The following NPFFR1 variants were observed in gnomAD, a reference collection of about 807,000 sequenced individuals.
NPFFR1 encodes neuropeptide FF receptor 1, also known as G-protein coupled receptor 147.
Under a neutral mutation model 12.7 loss-of-function variants are expected in NPFFR1, and 17 were observed. The ratio of observed to expected loss-of-function variants is 1.34; its 90% confidence interval spans 0.92 to 2.01. NPFFR1 has a LOEUF of 2.01. Among genes scored for constraint, NPFFR1 ranks in the 30% most tolerant of loss-of-function variants. NPFFR1 has a pLI of 0.00. For missense variants in NPFFR1, 604 were observed against 606.5 expected, an observed-to-expected ratio of 1.00 and a Z score of 0.04; for synonymous variants, 296 against 264.5, an observed-to-expected ratio of 1.12 and a Z score of -1.16.
Position 70,255,592 on chromosome 10 carries a change from GCA to G in NPFFR1, c.656_657del (p.Val219AlafsTer167). ...GGCGCCAGGTAGATGTGCGAGAAGAGCACAGTGGTGTAGACCCTGCGCATGCC... is the reference window on the plus strand; with the variant it reads ...GGCGCCAGGTAGATGTGCGAGAAGAGCAGTGGTGTAGACCCTGCGCATGCC... ...EKGMRRVYTT[V>X]LFSHIYLAPL... On this transcript the variant is annotated frameshift_variant, in exon 4 of 4. Transcript: ENST00000277942. LOFTEE classifies it low-confidence loss of function (END_TRUNC). This position sits in a 1 kb window ranked among gnomAD's most constrained non-coding sequence, Gnocchi z 4.2. 1 of 1,555,168 alleles carries G rather than the reference GCA, an allele frequency of 6.4e-7. No individual in the cohort carries two copies. Among genetic ancestry groups the G allele is most frequent in the Non-Finnish European group, 8.7e-7 (1 of 1,149,554 alleles).
chr10:70,266,909 C>T (rs1444464181), intron 1 of NPFFR1, among the ~76,000 whole-genome samples: 1 of 152,224 alleles, frequency 6.6e-6, no homozygotes, highest in Non-Finnish European at 1.5e-5. Flanking sequence ...AGTCCCCTTT[C>T]ATGGCTCTAG....
chr10:70,280,625 G>A (rs892253300), intron 1 of NPFFR1, among the ~76,000 whole-genome samples: 1 of 152,104 alleles, frequency 6.6e-6, no homozygotes, highest in African/African-American at 2.4e-5. Flanking sequence ...TTTGTTCTTA[G>A]TGAGTACTAA....
chr10:70,280,024 C>T (rs1215298835), intron 1 of NPFFR1, among the ~76,000 whole-genome samples: 1 of 152,138 alleles, frequency 6.6e-6, no homozygotes, highest in East Asian at 1.9e-4. Context: ...ATAATGTTCT[C>T]CAATATTGTC....
At chr10:70,276,468 G>A (rs1840805420) in intron 1 of NPFFR1, among the ~76,000 whole-genome samples, 1 of 152,004 alleles carries the variant, frequency 6.6e-6, no homozygotes, top group Non-Finnish European at 1.5e-5. Flanking sequence ...TTCAAAAGGA[G>A]TCAGACATTA....
intron 1 of NPFFR1, among the ~76,000 whole-genome samples, chr10:70,270,645 G>C (rs1417420472): frequency 1.3e-5 from 2 of 152,148 alleles, no homozygotes; most frequent in Non-Finnish European, 2.9e-5. Flanking sequence ...ATCCTTTCTG[G>C]AGGAGGAAAA....
At chr10:70,259,616 T>A (rs775438994) in intron 3 of NPFFR1, among the ~76,000 whole-genome samples, 16 of 152,104 alleles carry the variant, frequency 1.1e-4, no homozygotes, top group Non-Finnish European at 1.9e-4. Flanking sequence ...TTCACTGAGT[T>A]ACAAAAAACT....
chr10:70,277,662 C>G (rs1840817139), intron 1 of NPFFR1, among the ~76,000 whole-genome samples: 7 of 152,192 alleles, frequency 4.6e-5, no homozygotes, highest in Admixed American at 3.9e-4. Flanking sequence ...ATCCTCCCAG[C>G]CTTTGGGCCT....
intron 1 of NPFFR1, among the ~76,000 whole-genome samples, chr10:70,272,208 A>G (rs200165125): frequency 0.025 from 497 of 20,170 alleles, 2 homozygotes; most frequent in African/African-American, 0.041. Context: ...AGAAAGAAAG[A>G]AAGGAAAGAA....
In NPFFR1 at chr10:70,249,913, CT is replaced by C. The variant is rs34524848; in HGVS notation, c.*5043del. The C allele has an allele frequency of 0.27, 34,585 of 128,076 alleles. 3,518 individuals carry two copies. Among genetic ancestry groups the C allele is most frequent in the South Asian group, 0.31 (1,234 of 4,010 alleles). The allele number at this position is 128,076 out of a possible 1,614,324, so 7.9% of individuals were successfully genotyped here. A position where few individuals can be genotyped will look rare whatever the true frequency, so the allele number is the denominator to read the frequency against. On this transcript the variant is annotated 3_prime_UTR_variant, in exon 4 of 4. Coordinates refer to ENST00000277942, the MANE Select transcript of NPFFR1 (RefSeq NM_022146.5). ...ATTTTCTTTTCTTCTTTCTTTCTTT[CT>C]TTTTTTTTTTTTTTTTGAGACAGTC... is the stretch of plus-strand genomic sequence containing the variant.
In NPFFR1 at chr10:70,252,000, T is replaced by C. The variant is rs1840516507; in HGVS notation, c.*2957A>G. 6.6e-6 allele frequency: 1 copy of C among 152,170 alleles called. No homozygotes were observed. Among genetic ancestry groups the C allele is most frequent in the African/African-American group, 2.4e-5 (1 of 41,442 alleles). The allele number at this position is 152,170 out of a possible 1,614,324, so 9.4% of individuals were successfully genotyped here. Reference sequence around the variant, plus strand: ...TGTTTTGTCAGCCATAAAGGGTAAGTTGGGAGAGACCCTGGTTCCCAACCT... The same window carrying C: ...TGTTTTGTCAGCCATAAAGGGTAAGCTGGGAGAGACCCTGGTTCCCAACCT... On this transcript the variant is annotated 3_prime_UTR_variant, in exon 4 of 4. Transcript: ENST00000277942.
chr10:70,267,615 A>C (rs1239283109), intron 1 of NPFFR1, among the ~76,000 whole-genome samples: 1 of 152,194 alleles, frequency 6.6e-6, no homozygotes, highest in Non-Finnish European at 1.5e-5. Context: ...GGGAAGGCTC[A>C]GTGTCCAACC....
Position 70,248,489 on chromosome 10 carries a change from T to TTTTTTTTTTTTTTG in NPFFR1, c.*6467_*6468insCAAAAAAAAAAAAA, listed in dbSNP as rs1840477372. The TTTTTTTTTTTTTTG allele has an allele frequency of 3.5e-5, 4 of 113,852 alleles. No homozygotes were observed. Among genetic ancestry groups the TTTTTTTTTTTTTTG allele is most frequent in the Non-Finnish European group, 7.0e-5 (4 of 57,104 alleles). The allele number at this position is 113,852 out of a possible 1,614,324, so 7.1% of individuals were successfully genotyped here. On this transcript the variant is annotated 3_prime_UTR_variant, in exon 4 of 4. Coordinates refer to ENST00000277942, the MANE Select transcript of NPFFR1 (RefSeq NM_022146.5). ...GGCGTTTTTTTTTTGTTTTTTGTTT[T>TTTTTTTTTTTTTTG]TTTTTTTTTTTTTTGAGATGGAGTC...
At position 70,251,626 on chromosome 10, in the gene NPFFR1, C is replaced by T. The variant is rs1418604576; in HGVS notation, c.*3331G>A. On this transcript the variant is annotated 3_prime_UTR_variant, in exon 4 of 4. Coordinates refer to ENST00000277942, the MANE Select transcript of NPFFR1 (RefSeq NM_022146.5). ...TGTCAACAGGCCTCTGGCCCTTTTC[C>T]CCCATCACGCATGCCGTTCATCTCC... The T allele has an allele frequency of 6.6e-6, 1 of 152,212 alleles. No individual in the cohort carries two copies. Among genetic ancestry groups the T allele is most frequent in the Non-Finnish European group, 1.5e-5 (1 of 68,030 alleles). The allele number at this position is 152,212 out of a possible 1,614,324, so 9.4% of individuals were successfully genotyped here.
At chr10:70,283,134 G>GTA (rs930628686) in intron 1 of NPFFR1, among the ~76,000 whole-genome samples, 6 of 138,670 alleles carry the variant, frequency 4.3e-5, no homozygotes, top group Non-Finnish European at 9.7e-5. Flanking sequence ...CTCTCTTTTT[G>GTA]TGTGTGTGTG....
chr10:70,254,994 G>C lies in NPFFR1; in HGVS notation c.1256C>G (p.Ser419Cys), dbSNP rs369042625. The C allele has an allele frequency of 6.9e-7, 1 of 1,444,250 alleles. No homozygotes were observed. The highest frequency in any genetic ancestry group is 9.0e-7 in the Non-Finnish European group (1 of 1,105,802). The allele number at this position is 1,444,250 out of a possible 1,614,324, so 89.5% of individuals were successfully genotyped here. Residue 419 changes from serine (S) to cysteine (C), a missense_variant, in exon 4 of 4, where the codon TCC becomes TGC. Physicochemically the swap from Ser to Cys is moderately radical, Grantham distance 112. Transcript: ENST00000277942. ...HGLPREGPGC[S>C]HLPLTIPAWD... ...GGCTGGAATGGTGAGGGGCAGGTGG[G>C]AGCAGCCAGGCCCTTCCCTGGGCAA... is the stretch of plus-strand genomic sequence containing the variant.
chr10:70,266,277 G>A lies in NPFFR1; in HGVS notation c.122C>T (p.Pro41Leu), dbSNP rs1372496992. Reference sequence around the variant, plus strand: ...GGCCACAATGAACATGGCCGCCACAGGGGAGGTGTGCTGATAGTAGGAGGA... The same window carrying A: ...GGCCACAATGAACATGGCCGCCACAAGGGAGGTGTGCTGATAGTAGGAGGA... ...TFSSYYQHTS[P>L]VAAMFIVAYA... The change falls in exon 2 of 4, where the codon CCT becomes CTT. Residue 41 changes from proline to leucine, a missense_variant. Transcript: ENST00000277942. 2.5e-6 allele frequency: 4 copies of A among 1,613,836 alleles called. No homozygotes were observed. The Middle Eastern group carries it at 4.9e-4, about 199-fold the overall frequency.
intron 1 of NPFFR1, 149 bp downstream of exon 1, chr10:70,283,521 C>T (rs1840884106): frequency 4.8e-6 from 4 of 827,318 alleles, no homozygotes; most frequent in Non-Finnish European, 8.0e-6. Flanking sequence ...CACTCAGTGT[C>T]TCTGTCTCTG....
chr10:70,249,410 A>G lies in NPFFR1; in HGVS notation c.*5547T>C, dbSNP rs1365817071. 6.6e-6 allele frequency: 1 copy of G among 151,588 alleles called. No individual in the cohort carries two copies. The highest frequency in any genetic ancestry group is 1.5e-5 in the Non-Finnish European group (1 of 67,886). The allele number at this position is 151,588 out of a possible 1,614,324, so 9.4% of individuals were successfully genotyped here. A position where few individuals can be genotyped will look rare whatever the true frequency, so the allele number is the denominator to read the frequency against. On this transcript the variant is annotated 3_prime_UTR_variant, in exon 4 of 4. Transcript: ENST00000277942. ...GCAAGACTCTGTCTCAAAAAAAAAA[A>G]AATTATATTCACAAAAAAATCCCTT...
At chr10:70,259,773 C>T (rs768352749) in intron 3 of NPFFR1, among the ~76,000 whole-genome samples, 3 of 152,206 alleles carry the variant, frequency 2.0e-5, no homozygotes, top group Non-Finnish European at 4.4e-5. Flanking sequence ...GGACTCTATG[C>T]CAAGAACTGT....
Sources: gnomAD v4.1 joint callset for allele counts (sites outside exome capture counted in the v4.1 genomes callset) on GRCh38, gnomAD v4.1.1 for gene constraint, Gnocchi (gnomAD v3.1) non-coding constraint, MANE v1.5 for transcripts, NCBI Gene and HGNC (gene_info 2026-07-23, HGNC 2026-07-21) for gene names.